PEX5L: variants seen among roughly 807,000 people sequenced by gnomAD.
PEX5L encodes peroxisomal biogenesis factor 5 like, also known as PEX5-related protein.
PEX5L carries 30 observed loss-of-function variants against 84.0 expected under a neutral mutation model. That is an observed-to-expected ratio of 0.36 (90% CI 0.27 to 0.48). The LOEUF is 0.48. Among genes scored for constraint, PEX5L ranks in the 20% least tolerant of loss-of-function variants. The pLI, the probability that PEX5L is intolerant of heterozygous loss-of-function variation, is 0.99. For missense variants in PEX5L, 533 were observed against 754.6 expected (o/e 0.71, Z 3.44); for synonymous variants, 270 against 283.1 (o/e 0.95, Z 0.46).
chr3:180,000,153 G>A (rs992298312), intron 1 of PEX5L, among the ~76,000 whole-genome samples: 1 of 152,246 alleles, frequency 6.6e-6, no homozygotes, highest in African/African-American at 2.4e-5. Context: ...TAGTTCCAGA[G>A]GGAGGAATGC....
Position 179,799,270 on chromosome 3 carries a change from T to C in PEX5L, c.*2558A>G, listed in dbSNP as rs1035999886. ...AACTTAATTTTATAAAAAATATTATTGAAAAATGCAACTCTTTTCCTCTTG... is the reference window on the plus strand; with the variant it reads ...AACTTAATTTTATAAAAAATATTATCGAAAAATGCAACTCTTTTCCTCTTG... On this transcript the variant is annotated 3_prime_UTR_variant, in exon 15 of 15. Coordinates refer to ENST00000467460, the MANE Select transcript of PEX5L (RefSeq NM_016559.3). The C allele has an allele frequency of 8.5e-5, 13 of 152,190 alleles. No homozygotes were observed. The highest frequency in any genetic ancestry group is 2.6e-4 in the Admixed American group (4 of 15,282). 9.4% of individuals were successfully genotyped at this position (152,190 alleles called of 1,614,324 possible). A position where few individuals can be genotyped will look rare whatever the true frequency, so the allele number is the denominator to read the frequency against.
At chr3:179,964,824 AT>A (rs1579061029) in intron 2 of PEX5L, among the ~76,000 whole-genome samples, 2 of 152,220 alleles carry the variant, frequency 1.3e-5, no homozygotes, top group East Asian at 1.9e-4. Context: ...AGTACCTGCC[AT>A]TTATAAAGCA....
intron 2 of PEX5L, among the ~76,000 whole-genome samples, chr3:179,929,298 T>A (rs955415861): frequency 5.3e-5 from 8 of 152,184 alleles, no homozygotes; most frequent in African/African-American, 1.7e-4. Context: ...ATGGAAAATC[T>A]GTGATGGAAA....
intron 1 of PEX5L, among the ~76,000 whole-genome samples, chr3:179,987,579 T>C (rs1276444384): frequency 1.3e-5 from 2 of 152,168 alleles, no homozygotes; most frequent in African/African-American, 2.4e-5. Flanking sequence ...CATCAGAACA[T>C]TCCCTTGATG....
chr3:179,920,705 T>A (rs376630170), intron 2 of PEX5L, among the ~76,000 whole-genome samples: 7 of 152,146 alleles, frequency 4.6e-5, no homozygotes, highest in African/African-American at 1.7e-4. Flanking sequence ...ACTTTTCACA[T>A]CTTTACAAAC....
Position 179,801,850 on chromosome 3 carries a change from C to A in PEX5L, c.1859G>T (p.Arg620Ile). The change falls in exon 15 of 15, where the codon AGA becomes ATA. Residue 620 changes from arginine to isoleucine, a missense_variant. Arg to Ile is a moderately conservative substitution (Grantham distance 97). Around this residue, in one of 8 missense-constraint regions of PEX5L, gnomAD observed 105 missense variants for 204.6 expected, o/e 0.51. Coordinates refer to ENST00000467460, the MANE Select transcript of PEX5L (RefSeq NM_016559.3). Reference sequence around the variant, plus strand: ...TCTTCAAGGATCCAAGTTGAAAGCTCTTAAGAGGACATCCAGGTCACCAAG... The same window carrying A: ...TCTTCAAGGATCCAAGTTGAAAGCTATTAAGAGGACATCCAGGTCACCAAG... ...ANLGDLDVLLRAFNLDP is the reference protein window; with the variant it reads ...ANLGDLDVLLIAFNLDP 6.2e-7 allele frequency: 1 copy of A among 1,612,650 alleles called. No homozygotes were observed. Among genetic ancestry groups the A allele is most frequent in the South Asian group, 1.1e-5 (1 of 91,056 alleles).
At chr3:179,837,286 G>A (rs1012989485) in intron 8 of PEX5L, among the ~76,000 whole-genome samples, 1 of 152,272 alleles carries the variant, frequency 6.6e-6, no homozygotes, top group South Asian at 2.1e-4. Context: ...AGTACCTGAT[G>A]CCGTAACTGA....
intron 1 of PEX5L, among the ~76,000 whole-genome samples, chr3:180,023,565 G>A (rs1481539309): frequency 6.6e-6 from 1 of 152,108 alleles, no homozygotes; most frequent in Non-Finnish European, 1.5e-5. Flanking sequence ...CCCTGACCAA[G>A]CACTCACAGA....
At chr3:179,859,495 C>T (rs1577700286) in intron 7 of PEX5L, among the ~76,000 whole-genome samples, 1 of 152,216 alleles carries the variant, frequency 6.6e-6, no homozygotes, top group East Asian at 1.9e-4. Flanking sequence ...TTCTGATACG[C>T]AGCTAGGATG....
At chr3:180,021,819 T>A (rs1486416942) in intron 1 of PEX5L, among the ~76,000 whole-genome samples, 1 of 152,216 alleles carries the variant, frequency 6.6e-6, no homozygotes, top group African/African-American at 2.4e-5. Flanking sequence ...ATATTGAGGA[T>A]GAGCATAGAT....
At chr3:179,846,461 T>A (rs1305830951) in intron 8 of PEX5L, among the ~76,000 whole-genome samples, 3 of 152,186 alleles carry the variant, frequency 2.0e-5, no homozygotes, top group Non-Finnish European at 4.4e-5. Context: ...TTTGCACCCA[T>A]CAACCAACCT....
intron 4 of PEX5L, chr3:179,880,919 T>C (rs1432012009): frequency 2.0e-5 from 3 of 152,230 alleles, no homozygotes; most frequent in Non-Finnish European, 4.4e-5. Context: ...TAGCTCATTG[T>C]GAGAGATAGA....
intron 1 of PEX5L, among the ~76,000 whole-genome samples, chr3:180,035,979 G>T (rs1433450766): frequency 1.3e-5 from 2 of 152,126 alleles, no homozygotes; most frequent in African/African-American, 4.8e-5. Flanking sequence ...ATAACAACCG[G>T]AGGCAGCACC....
intron 14 of PEX5L, among the ~76,000 whole-genome samples, chr3:179,802,274 C>A (rs185889240): frequency 6.6e-6 from 1 of 152,132 alleles, no homozygotes; most frequent in Admixed American, 6.5e-5. Flanking sequence ...GTGGCTCAAG[C>A]CTGTAATCCC....
intron 1 of PEX5L, among the ~76,000 whole-genome samples, chr3:180,007,747 G>A (rs974685898): frequency 6.6e-6 from 1 of 152,200 alleles, no homozygotes; most frequent in Non-Finnish European, 1.5e-5. Context: ...TTTGTGGCTT[G>A]TACTCTCTGA....
At chr3:179,880,552 A>G (rs1224096415) in intron 4 of PEX5L, among the ~76,000 whole-genome samples, 1 of 152,232 alleles carries the variant, frequency 6.6e-6, no homozygotes, top group Admixed American at 6.5e-5. Context: ...ACAATAAAGT[A>G]TATGGGGTAT....
At chr3:179,984,718 T>C (rs1786648842) in intron 1 of PEX5L, among the ~76,000 whole-genome samples, 2 of 152,214 alleles carry the variant, frequency 1.3e-5, no homozygotes, top group South Asian at 4.1e-4. Flanking sequence ...GAAAATTCCA[T>C]AATAGACTAT....
At chr3:179,951,008 C>G (rs1778944060) in intron 2 of PEX5L, among the ~76,000 whole-genome samples, 1 of 152,204 alleles carries the variant, frequency 6.6e-6, no homozygotes. Context: ...GGCCTTTTCT[C>G]ACTTTAGAAT....
chr3:179,966,076 A>G (rs1783257258), intron 2 of PEX5L, among the ~76,000 whole-genome samples: 2 of 152,214 alleles, frequency 1.3e-5, no homozygotes, highest in Non-Finnish European at 2.9e-5. Flanking sequence ...CATTCCAAAT[A>G]AATCTGGCTT....
Sources: allele counts gnomAD v4.1 joint callset (sites outside exome capture counted in the v4.1 genomes callset), GRCh38; gene constraint gnomAD v4.1.1; regional missense constraint gnomAD v4.1.1; transcripts MANE v1.5; gene names NCBI Gene and HGNC (gene_info 2026-07-23, HGNC 2026-07-21).